The following SLC32A1 variants were observed in gnomAD, a reference collection of about 807,000 sequenced individuals.
The protein encoded by SLC32A1 is solute carrier family 32 member 1, also known as vesicular inhibitory amino acid transporter.
A neutral mutation model predicts 35.5 loss-of-function variants in SLC32A1; 8 were observed. The ratio of observed to expected loss-of-function variants is 0.23; its 90% CI spans 0.13 to 0.41. The LOEUF (loss-of-function observed/expected upper bound fraction) is 0.41. Among genes scored for constraint, SLC32A1 ranks in the 10% least tolerant of loss-of-function variants. The pLI, the probability that SLC32A1 is intolerant of heterozygous loss-of-function variation, is 1.00. For missense variants in SLC32A1, 493 were observed against 722.3 expected (o/e 0.68, Z 3.64); for synonymous variants, 317 against 326.3 (o/e 0.97, Z 0.31).
rs1268911410 is a variant in SLC32A1 at position 38,728,118 on chromosome 20, C to T, written c.1057C>T (p.Leu353Phe). The T allele has an allele frequency of 1.9e-6, 3 of 1,614,142 alleles. No individual in the cohort carries two copies. The highest frequency in any genetic ancestry group is 2.5e-6 in the Non-Finnish European group (3 of 1,180,056). ...CATCGCAGCCTGCGTGCTCAAGGGCCTCTTCGCGCTCGTCGCCTACCTCAC... is the reference window on the plus strand; with the variant it reads ...CATCGCAGCCTGCGTGCTCAAGGGCTTCTTCGCGCTCGTCGCCTACCTCAC... ...THIAACVLKG[L>F]FALVAYLTWA... The change falls in exon 2 of 2, where the codon CTC becomes TTC. Residue 353 changes from leucine (L) to phenylalanine (F), a missense_variant. By Grantham distance (22) the Leu-to-Phe change is conservative. Coordinates refer to ENST00000217420, the MANE Select transcript of SLC32A1 (RefSeq NM_080552.3).
At position 38,728,241 on chromosome 20, in the gene SLC32A1, T is replaced by C; in HGVS notation, c.1180T>C (p.Tyr394His). Residue 394 changes from tyrosine (Y) to histidine (H), a missense_variant, in exon 2 of 2, where the codon TAT becomes CAT. By Grantham distance (83) the Tyr-to-His change is moderately conservative. Coordinates refer to ENST00000217420, the MANE Select transcript of SLC32A1 (RefSeq NM_080552.3). ...IFLVAKALLS[Y>H]PLPFFAAVEV... ...TCTGGTGGCCAAGGCGCTGTTGTCCTATCCTCTGCCATTCTTTGCCGCTGT... is the reference window on the plus strand; with the variant it reads ...TCTGGTGGCCAAGGCGCTGTTGTCCCATCCTCTGCCATTCTTTGCCGCTGT... 6.2e-7 allele frequency: 1 copy of C among 1,614,186 alleles called. No homozygotes were observed. Among genetic ancestry groups the C allele is most frequent in the Non-Finnish European group, 8.5e-7 (1 of 1,180,024 alleles).
rs770350121 is a variant in SLC32A1 at position 38,727,772 on chromosome 20, C to A, written c.711C>A (p.Pro237=). 6 of 1,614,200 alleles carry A rather than the reference C, an allele frequency of 3.7e-6. No individual in the cohort carries two copies. The South Asian group carries it at 5.5e-5, about 15-fold the overall frequency. Residue 237 remains proline (P), a synonymous_variant, in exon 2 of 2, where the codon CCC becomes CCA. Transcript: ENST00000217420. ...TGTACAACAGCTTCCCGGGGCTGCC[C>A]GTGTCGCAGAAGTCCTGGTCCATTA... ...NLMYNSFPGL[P]VSQKSWSIIA...
In SLC32A1 at chr20:38,728,586, G is replaced by T; in HGVS notation, c.1525G>T (p.Val509Leu). The T allele has an allele frequency of 3.1e-6, 5 of 1,612,650 alleles. No individual in the cohort carries two copies. Among genetic ancestry groups the T allele is most frequent in the Non-Finnish European group, 2.5e-6 (3 of 1,179,742 alleles). ...IGGICSVSGF[V>L]HSLEGLIEAY... is the part of the protein sequence containing the mutation. ...CGGCATCTGCAGCGTGTCCGGCTTC[G>T]TGCACTCCCTCGAGGGCCTCATCGA... Residue 509 changes from valine to leucine, a missense_variant, in exon 2 of 2, where the codon GTG becomes TTG. By Grantham distance (32) the Val-to-Leu change is conservative (BLOSUM62 1). Coordinates refer to ENST00000217420, the MANE Select transcript of SLC32A1 (RefSeq NM_080552.3).
At chr20:38,727,204 C>T (rs1601182177) in intron 1 of SLC32A1, among the ~76,000 whole-genome samples, 2 of 152,144 alleles carry the variant, frequency 1.3e-5, no homozygotes, top group African/African-American at 2.4e-5. Context: ...ATTAGCGCAC[C>T]TTTCCTTCTC....
At chr20:38,725,237 C>T (rs779471149) in intron 1 of SLC32A1, 123 bp downstream of exon 1, 89 of 1,255,856 alleles carry the variant, frequency 7.1e-5, no homozygotes, top group Non-Finnish European at 8.9e-5. Flanking sequence ...CAGGAATCTC[C>T]CTTTCTCCAT....
intron 1 of SLC32A1, among the ~76,000 whole-genome samples, chr20:38,725,367 G>A (rs541634105): frequency 1.2e-4 from 18 of 152,336 alleles, no homozygotes; most frequent in Non-Finnish European, 1.5e-4. Context: ...TGAGACACCT[G>A]TCCGGAGACA....
rs2084268600 is a variant in SLC32A1 at position 38,724,874 on chromosome 20, C to G, written c.150C>G (p.Leu50=). 2 of 1,613,892 alleles carry G rather than the reference C, an allele frequency of 1.2e-6. No homozygotes were observed. The highest frequency in any genetic ancestry group is 1.7e-5 in the Admixed American group (1 of 60,006). Residue 50 remains leucine (L), a synonymous_variant, in exon 1 of 2, where the codon CTC becomes CTG. Transcript: ENST00000217420. ...EAVGFAHCDD[L]DFEHRQGLQM... is the part of the protein sequence containing the mutation. ...TGGGCTTCGCGCATTGCGACGACCT[C>G]GACTTTGAGCACCGCCAGGGCCTGC...
In SLC32A1 at chr20:38,724,498, A is replaced by AGT. The variant is rs1193256499; in HGVS notation, c.-227_-226insGT. The AGT allele has an allele frequency of 2.5e-5, 14 of 550,780 alleles. No individual in the cohort carries two copies. Among genetic ancestry groups the AGT allele is most frequent in the Middle Eastern group, 4.9e-4 (1 of 2,028 alleles). The allele number at this position is 550,780 out of a possible 1,614,324, so 34.1% of individuals were successfully genotyped here. A position where few individuals can be genotyped will look rare whatever the true frequency, so the allele number is the denominator to read the frequency against. On this transcript the variant is annotated 5_prime_UTR_variant, in exon 1 of 2. Transcript: ENST00000217420. ...GCGGCAGCTCCGCAGTGCACTAGCC[A>AGT]CCACCGCCGCCGCCGCCGCTCCGCC...
chr20:38,727,978 TC>T lies in SLC32A1; in HGVS notation c.921del (p.Ile308SerfsTer32). On this transcript the variant is annotated frameshift_variant, in exon 2 of 2. Transcript: ENST00000217420. LOFTEE classifies it high-confidence loss of function. Reference sequence around the variant, plus strand: ...AAGTTCTACATCGACGTCAAGAAGTTCCCCATCTCCATTGGCATCATCGTGT... The same window carrying T: ...AAGTTCTACATCGACGTCAAGAAGTTCCCATCTCCATTGGCATCATCGTGT... ...KVKFYIDVKK[F>X]PISIGIIVFS... 6.2e-7 allele frequency: 1 copy of T among 1,614,066 alleles called. No individual in the cohort carries two copies. The highest frequency in any genetic ancestry group is 8.5e-7 in the Non-Finnish European group (1 of 1,180,026).
rs780734475 is a variant in SLC32A1 at position 38,724,886 on chromosome 20, C to T, written c.162C>T (p.His54=). 7 of 1,613,886 alleles carry T rather than the reference C, an allele frequency of 4.3e-6. No individual in the cohort carries two copies. The East Asian group carries it at 8.9e-5, about 21-fold the overall frequency. Residue 54 remains histidine (H), a synonymous_variant, in exon 1 of 2, where the codon CAC becomes CAT. Coordinates refer to ENST00000217420, the MANE Select transcript of SLC32A1 (RefSeq NM_080552.3). ...ATTGCGACGACCTCGACTTTGAGCA[C>T]CGCCAGGGCCTGCAGATGGACATCC... is the stretch of plus-strand genomic sequence containing the variant. The part of the protein sequence containing the change: ...FAHCDDLDFE[H]RQGLQMDILK...
chr20:38,728,312 T>C lies in SLC32A1; in HGVS notation c.1251T>C (p.Phe417=). Residue 417 remains phenylalanine, a synonymous_variant, in exon 2 of 2, where the codon TTT becomes TTC. Coordinates refer to ENST00000217420, the MANE Select transcript of SLC32A1 (RefSeq NM_080552.3). The part of the protein sequence containing the change: ...KSLFQEGSRA[F]FPACYSGDGR... Reference sequence around the variant, plus strand: ...TCTTCCAGGAAGGCAGCCGCGCCTTTTTCCCGGCCTGCTACAGCGGCGACG... The same window carrying C: ...TCTTCCAGGAAGGCAGCCGCGCCTTCTTCCCGGCCTGCTACAGCGGCGACG... 1 of 1,613,668 alleles carries C rather than the reference T, an allele frequency of 6.2e-7. No homozygotes were observed. Among genetic ancestry groups the C allele is most frequent in the Non-Finnish European group, 8.5e-7 (1 of 1,179,828 alleles).
In SLC32A1 at chr20:38,724,929, C is replaced by G; in HGVS notation, c.205C>G (p.Pro69Ala). 1.2e-6 allele frequency: 2 copies of G among 1,612,580 alleles called. No homozygotes were observed. Among genetic ancestry groups the G allele is most frequent in the Non-Finnish European group, 1.7e-6 (2 of 1,179,240 alleles). ...QMDILKAEGE[P>A]CGDEGAEAPV... ...GGACATCCTGAAAGCCGAGGGAGAG[C>G]CCTGCGGGGACGAGGGCGCTGAAGC... is the stretch of plus-strand genomic sequence containing the variant. Residue 69 changes from proline to alanine, a missense_variant, in exon 1 of 2, where the codon CCC (proline) becomes GCC (alanine). By Grantham distance (27) the Pro-to-Ala change is conservative. Transcript: ENST00000217420.
chr20:38,728,619 C>G lies in SLC32A1; in HGVS notation c.1558C>G (p.Arg520Gly). ...CCTCGAGGGCCTCATCGAAGCCTAC[C>G]GAACCAACGCGGAGGACTAGGGCGC... Reference protein sequence around the residue: ...HSLEGLIEAYRTNAED With the variant: ...HSLEGLIEAYGTNAED The change falls in exon 2 of 2, where the codon CGA (arginine) becomes GGA (glycine). Residue 520 changes from arginine to glycine, a missense_variant. This residue lies in a region of SLC32A1 where 269 missense variants were observed against 445.6 expected (regional missense o/e 0.60). Transcript: ENST00000217420. 1 of 1,607,134 alleles carries G rather than the reference C, an allele frequency of 6.2e-7. No homozygotes were observed. Among genetic ancestry groups the G allele is most frequent in the Non-Finnish European group, 8.5e-7 (1 of 1,177,316 alleles).
chr20:38,724,665 TG>T lies in SLC32A1; in HGVS notation c.-59del, dbSNP rs1224313048. The T allele has an allele frequency of 2.0e-6, 3 of 1,530,208 alleles. No individual in the cohort carries two copies. In the East Asian group the frequency reaches 6.9e-5, roughly 35 times the overall value. The allele number at this position is 1,530,208 out of a possible 1,614,324, so 94.8% of individuals were successfully genotyped here. On this transcript the variant is annotated 5_prime_UTR_variant, in exon 1 of 2. Transcript: ENST00000217420. ...TTGCGCCCCCCAGCCCTCGCCTTCT[TG>T]CATCGCGTTCCCCGCATCCTCGGGT...
Position 38,727,614 on chromosome 20 carries a change from T to G in SLC32A1, c.553T>G (p.Ser185Ala). The G allele has an allele frequency of 6.2e-7, 1 of 1,613,468 alleles. No individual in the cohort carries two copies. Among genetic ancestry groups the G allele is most frequent in the Non-Finnish European group, 8.5e-7 (1 of 1,180,040 alleles). The change falls in exon 2 of 2, where the codon TCG becomes GCG. Residue 185 changes from serine to alanine, a missense_variant. By Grantham distance (99) the Ser-to-Ala change is moderately conservative (BLOSUM62 1). Around this residue, in one of 4 missense-constraint regions of SLC32A1, gnomAD observed 46 missense variants for 39.7 expected, o/e 1.16. Transcript: ENST00000217420. Reference protein sequence around the residue: ...EDGEVVRVRDSYVAIANACCA... With the variant: ...EDGEVVRVRDAYVAIANACCA... ...CGGCGAGGTGGTGCGCGTGCGGGAC[T>G]CGTACGTGGCCATAGCCAACGCCTG...
rs150740924 is a variant in SLC32A1, at chr20:38,726,889, A to C, written c.391-563A>C. Among the ~76,000 whole-genome samples the C allele has an allele frequency of 0.014, 2,054 of 152,100 alleles. 55 individuals carry two copies. Among genetic ancestry groups the C allele is most frequent in the African/African-American group, 0.047 (1,927 of 41,440 alleles). ...TATTTCCTTTTCGCCTCACAACTGC[A>C]GCCTTTAACGTTTCCTCCTCTGGTC... is the stretch of plus-strand genomic sequence containing the variant. On this transcript the variant is annotated intron_variant, in intron 1 of 1. Coordinates refer to ENST00000217420, the MANE Select transcript of SLC32A1 (RefSeq NM_080552.3). This position sits in a 1 kb window ranked among gnomAD's most constrained non-coding sequence, Gnocchi z 4.7.
chr20:38,728,710 C>A lies in SLC32A1; in HGVS notation c.*71C>A. 2.1e-6 allele frequency: 3 copies of A among 1,411,414 alleles called. No individual in the cohort carries two copies. The highest frequency in any genetic ancestry group is 2.8e-6 in the Non-Finnish European group (3 of 1,058,764). The allele number at this position is 1,411,414 out of a possible 1,614,324, so 87.4% of individuals were successfully genotyped here. A position where few individuals can be genotyped will look rare whatever the true frequency, so the allele number is the denominator to read the frequency against. On this transcript the variant is annotated 3_prime_UTR_variant, in exon 2 of 2. Transcript: ENST00000217420. ...TCCCCTCACCCCGCCCCCACCAGCC[C>A]AGTGCGCCCTGCCGCCGCGCTTGGG...
At position 38,728,565 on chromosome 20, in the gene SLC32A1, A is replaced by C; in HGVS notation, c.1504A>C (p.Ile502Leu). The C allele has an allele frequency of 1.2e-6, 2 of 1,613,154 alleles. No individual in the cohort carries two copies. The highest frequency in any genetic ancestry group is 1.7e-6 in the Non-Finnish European group (2 of 1,179,890). ...FDVAIFVIGG[I>L]CSVSGFVHSL... ...CGTCGCCATCTTCGTCATCGGCGGC[A>C]TCTGCAGCGTGTCCGGCTTCGTGCA... Residue 502 changes from isoleucine to leucine, a missense_variant, in exon 2 of 2, where the codon ATC becomes CTC. Around this residue, in one of 4 missense-constraint regions of SLC32A1, gnomAD observed 269 missense variants for 445.6 expected, o/e 0.60. Transcript: ENST00000217420.
rs750876338 is a variant in SLC32A1, at chr20:38,728,314, T to C, written c.1253T>C (p.Phe418Ser). The change falls in exon 2 of 2, where the codon TTC becomes TCC. Residue 418 changes from phenylalanine to serine, a missense_variant. This residue lies in a region of SLC32A1 where 269 missense variants were observed against 445.6 expected (regional missense o/e 0.60). Coordinates refer to ENST00000217420, the MANE Select transcript of SLC32A1 (RefSeq NM_080552.3). ...TTCCAGGAAGGCAGCCGCGCCTTTT[T>C]CCCGGCCTGCTACAGCGGCGACGGG... is the stretch of plus-strand genomic sequence containing the variant. Reference protein sequence around the residue: ...SLFQEGSRAFFPACYSGDGRL... With the variant: ...SLFQEGSRAFSPACYSGDGRL... 3.7e-6 allele frequency: 6 copies of C among 1,613,496 alleles called. No homozygotes were observed. Among genetic ancestry groups the C allele is most frequent in the African/African-American group, 2.7e-5 (2 of 74,934 alleles).
Sources: gnomAD v4.1 joint callset for allele counts (sites outside exome capture counted in the v4.1 genomes callset) on GRCh38, gnomAD v4.1.1 for gene constraint, gnomAD v4.1.1 regional missense constraint, Gnocchi (gnomAD v3.1) non-coding constraint, MANE v1.5 for transcripts, NCBI Gene and HGNC (gene_info 2026-07-23, HGNC 2026-07-21) for gene names.